Variants in FHIT observed in about 807,000 individuals in gnomAD.
FHIT encodes the protein bis(5'-adenosyl)-triphosphatase.
A neutral mutation model predicts 17.9 loss-of-function variants in FHIT; 19 were observed. The observed-to-expected ratio is 1.06, with a 90% CI of 0.74 to 1.56. FHIT has a LOEUF of 1.56. Ranked by LOEUF, FHIT falls within the 40% of genes most tolerant of loss-of-function variation. The pLI is 0.00. For missense variants in FHIT, 248 were observed against 189.2 expected (o/e 1.31, Z -1.82); for synonymous variants, 81 against 69.7 (o/e 1.16, Z -0.81).
At chr3:59,887,558 C>T (rs1703680350) in intron 8 of FHIT, among the ~76,000 whole-genome samples, 1 of 152,186 alleles carries the variant, frequency 6.6e-6, no homozygotes, top group Non-Finnish European at 1.5e-5. Flanking sequence ...AATTAGCAGT[C>T]ATAAAAACTT....
intron 4 of FHIT, among the ~76,000 whole-genome samples, chr3:60,636,302 C>T (rs1201017917): frequency 2.0e-5 from 3 of 152,112 alleles, no homozygotes; most frequent in African/African-American, 7.2e-5. Flanking sequence ...ATCTCTTGAC[C>T]TCATGATCCA....
At chr3:60,655,101 G>T (rs1471130377) in intron 4 of FHIT, among the ~76,000 whole-genome samples, 5 of 152,058 alleles carry the variant, frequency 3.3e-5, no homozygotes, top group African/African-American at 9.7e-5. Flanking sequence ...GTTAGTGTAA[G>T]GCAAATACTT....
chr3:60,285,113 C>T (rs1169465449), intron 5 of FHIT, among the ~76,000 whole-genome samples: 1 of 151,928 alleles, frequency 6.6e-6, no homozygotes, highest in East Asian at 1.9e-4. Flanking sequence ...CTAGAAGTAC[C>T]CAGGTCCTCA....
intron 5 of FHIT, among the ~76,000 whole-genome samples, chr3:60,512,688 G>T (rs777151020): frequency 6.6e-6 from 1 of 152,174 alleles, no homozygotes; most frequent in Non-Finnish European, 1.5e-5. Flanking sequence ...CTGATGCAGA[G>T]GCAAGGGGAC....
At chr3:60,463,152 C>G (rs1021827400) in intron 5 of FHIT, among the ~76,000 whole-genome samples, 25 of 152,124 alleles carry the variant, frequency 1.6e-4, no homozygotes, top group African/African-American at 5.8e-4. Flanking sequence ...CAGAAGGCAA[C>G]AGATATATCA....
intron 8 of FHIT, among the ~76,000 whole-genome samples, chr3:59,807,317 T>C (rs1317097613): frequency 6.6e-6 from 1 of 152,162 alleles, no homozygotes; most frequent in Non-Finnish European, 1.5e-5. Context: ...GTGAGGAAGA[T>C]GTCCTGCCTG....
At chr3:60,521,287 T>G (rs541513082) in intron 5 of FHIT, among the ~76,000 whole-genome samples, 19 of 152,034 alleles carry the variant, frequency 1.2e-4, no homozygotes, top group East Asian at 1.9e-4. Flanking sequence ...TTGCTCTGTC[T>G]CCCAGGCTGG....
chr3:60,840,422 A>G (rs913088580), intron 3 of FHIT, among the ~76,000 whole-genome samples: 11 of 152,196 alleles, frequency 7.2e-5, no homozygotes, highest in African/African-American at 2.7e-4. Flanking sequence ...TCTGCGATGA[A>G]CTTGACATGT....
At chr3:61,166,422 A>T (rs781105006) in intron 2 of FHIT, among the ~76,000 whole-genome samples, 8 of 152,206 alleles carry the variant, frequency 5.3e-5, no homozygotes, top group Admixed American at 2.0e-4. Context: ...CACTCACCAG[A>T]CACACTGTAG....
intron 8 of FHIT, among the ~76,000 whole-genome samples, chr3:59,915,260 T>C (rs1200322330): frequency 6.6e-6 from 1 of 152,192 alleles, no homozygotes; most frequent in African/African-American, 2.4e-5. Flanking sequence ...AAAGCCTGAT[T>C]CGTGAAATAA....
chr3:60,909,228 G>A (rs1376377514), intron 3 of FHIT, among the ~76,000 whole-genome samples: 4 of 152,050 alleles, frequency 2.6e-5, no homozygotes, highest in African/African-American at 9.7e-5. Flanking sequence ...AATTAGCCAG[G>A]CATGGTGGTG....
intron 1 of FHIT, among the ~76,000 whole-genome samples, chr3:61,217,068 A>G (rs1045525616): frequency 6.6e-6 from 1 of 152,172 alleles, no homozygotes; most frequent in Non-Finnish European, 1.5e-5. Context: ...TGAGTGCAGC[A>G]CACCAGCATG....
At chr3:59,931,779 G>C (rs1399389886) in intron 7 of FHIT, among the ~76,000 whole-genome samples, 5 of 152,132 alleles carry the variant, frequency 3.3e-5, no homozygotes, top group African/African-American at 1.2e-4. Flanking sequence ...TACATCACTG[G>C]TGGTGCTCCA....
chr3:61,114,861 C>T (rs2036255697), intron 2 of FHIT, among the ~76,000 whole-genome samples: 1 of 152,118 alleles, frequency 6.6e-6, no homozygotes, highest in African/African-American at 2.4e-5. Flanking sequence ...TGGGGGCTTC[C>T]CACCTACAGT....
intron 8 of FHIT, among the ~76,000 whole-genome samples, chr3:59,856,462 AT>A (rs1702161873): frequency 6.6e-6 from 1 of 152,218 alleles, no homozygotes; most frequent in Non-Finnish European, 1.5e-5. Flanking sequence ...GATTCTGTAA[AT>A]CAGTATAACC....
chr3:59,941,001 G>A (rs540032429), intron 7 of FHIT, among the ~76,000 whole-genome samples: 3 of 152,142 alleles, frequency 2.0e-5, no homozygotes, highest in African/African-American at 7.2e-5. Context: ...CATACTCACG[G>A]CCATGATCCC....
chr3:59,911,046 G>T (rs907270383), intron 8 of FHIT, among the ~76,000 whole-genome samples: 4 of 152,070 alleles, frequency 2.6e-5, no homozygotes, highest in Non-Finnish European at 5.9e-5. Flanking sequence ...TCTCTCTCCA[G>T]TTTCCCATTT....
intron 2 of FHIT, among the ~76,000 whole-genome samples, chr3:61,063,174 T>C (rs2106705660): frequency 6.8e-6 from 1 of 146,910 alleles, no homozygotes; most frequent in Middle Eastern, 3.6e-3. Flanking sequence ...GAGAATGGTG[T>C]AAACCCGGGA....
At chr3:60,068,224 G>A (rs1044174899) in intron 5 of FHIT, among the ~76,000 whole-genome samples, 1 of 152,090 alleles carries the variant, frequency 6.6e-6, no homozygotes, top group African/African-American at 2.4e-5. Context: ...AACAGAGCGA[G>A]ACTCTGCCTC....
Sources: gnomAD v4.1 joint callset for allele counts (sites outside exome capture counted in the v4.1 genomes callset) on GRCh38, gnomAD v4.1.1 for gene constraint, MANE v1.5 for transcripts, NCBI Gene and HGNC (gene_info 2026-07-23, HGNC 2026-07-21) for gene names.